CLIC5: variants seen among roughly 807,000 people sequenced by gnomAD.
The protein encoded by CLIC5 is CLIC family member 5, also known as chloride intracellular channel protein 5.
CLIC5 carries 20 observed loss-of-function variants against 24.7 expected under a neutral mutation model. The ratio of observed to expected loss-of-function variants is 0.81; its 90% CI spans 0.57 to 1.18. The LOEUF is 1.18. Ranked by LOEUF, CLIC5 falls within the 50% of genes most tolerant of loss-of-function variation. The pLI, the probability that CLIC5 is intolerant of heterozygous loss-of-function variation, is 0.00. For missense variants in CLIC5, 341 were observed against 326.1 expected (o/e 1.05, Z -0.35); for synonymous variants, 159 against 135.6 (o/e 1.17, Z -1.20).
At chr6:45,912,037 G>C (rs1236004298) in intron 5 of CLIC5, 5 of 985,606 alleles carry the variant, frequency 5.1e-6, no homozygotes, top group Non-Finnish European at 6.0e-6. Flanking sequence ...AAGCAGCAAG[G>C]GGGTAAGGAT....
At chr6:45,939,137 C>T (rs1476049675) in intron 4 of CLIC5, among the ~76,000 whole-genome samples, 1 of 151,836 alleles carries the variant, frequency 6.6e-6, no homozygotes, top group African/African-American at 2.4e-5. Flanking sequence ...AGTTCCCTGG[C>T]TTGTGACAGC....
At chr6:46,030,259 T>C (rs1767460869) in intron 1 of CLIC5, among the ~76,000 whole-genome samples, 1 of 152,142 alleles carries the variant, frequency 6.6e-6, no homozygotes, top group Non-Finnish European at 1.5e-5. Flanking sequence ...ATAGATCCTA[T>C]CACTAAAACC....
intron 1 of CLIC5, among the ~76,000 whole-genome samples, chr6:45,958,441 T>TATATACACACACACACACACACACACAC (rs1278907089): frequency 6.7e-4 from 12 of 17,944 alleles, no homozygotes; most frequent in East Asian, 1.6e-3. Flanking sequence ...TATATATATA[T>TATATACACACACACACACACACACACAC]ATATATATAT....
chr6:45,979,371 C>T (rs1480355447), intron 1 of CLIC5, among the ~76,000 whole-genome samples: 3 of 152,164 alleles, frequency 2.0e-5, no homozygotes, highest in Non-Finnish European at 4.4e-5. Flanking sequence ...TTCACTAAGG[C>T]ATTGTTCAAT....
At chr6:46,096,710 T>G in the CLIC5 span, among the ~76,000 whole-genome samples, 1 of 152,210 alleles carries the variant, frequency 6.6e-6, no homozygotes, top group Non-Finnish European at 1.5e-5. Flanking sequence ...TGATTAATGT[T>G]GGACCAAAGA....
In CLIC5 at chr6:45,916,181, G is replaced by T. The variant is rs545835306; in HGVS notation, c.407-1772C>A. 2.0e-5 allele frequency among the ~76,000 whole-genome samples: 3 copies of T among 152,334 alleles called. No individual in the cohort carries two copies. In the East Asian group the frequency reaches 5.8e-4, roughly 29 times the overall value. ...TACTGGAATGTTTGAAAACTGCCTG[G>T]AGGTTGGGCATAGTTTCTCAATACT... On this transcript the variant is annotated intron_variant, in intron 4 of 5. Coordinates refer to ENST00000339561, the MANE Select transcript of CLIC5 (RefSeq NM_016929.5).
chr6:46,051,401 A>G (rs752416876), intron 1 of CLIC5, among the ~76,000 whole-genome samples: 1 of 152,222 alleles, frequency 6.6e-6, no homozygotes, highest in Non-Finnish European at 1.5e-5. Flanking sequence ...AATGACATCT[A>G]AGGTCCTTTC....
downstream of CLIC5, among the ~76,000 whole-genome samples, chr6:45,894,016 G>A (rs764491718): frequency 1.4e-4 from 21 of 152,266 alleles, no homozygotes; most frequent in Admixed American, 6.5e-4. Flanking sequence ...TCGTGGACAC[G>A]TAGCTAAGTT....
At chr6:46,089,157 C>A in the CLIC5 span, among the ~76,000 whole-genome samples, 8 of 152,016 alleles carry the variant, frequency 5.3e-5, no homozygotes, top group African/African-American at 1.9e-4. Context: ...AGAATTGTGG[C>A]ACTAGAAAAA....
At chr6:46,074,121 A>G (rs1762698167) in intron 1 of CLIC5, among the ~76,000 whole-genome samples, 1 of 152,216 alleles carries the variant, frequency 6.6e-6, no homozygotes, top group Non-Finnish European at 1.5e-5. Context: ...TCAATATAAA[A>G]CATTTACCCA....
At chr6:45,943,164 G>A (rs1764188320) in intron 3 of CLIC5, among the ~76,000 whole-genome samples, 1 of 152,272 alleles carries the variant, frequency 6.6e-6, no homozygotes, top group Non-Finnish European at 1.5e-5. Context: ...TAAGCAATTT[G>A]CCTGAGGTCA....
chr6:45,881,029 T>A (rs188976721), exon 7 of CLIC5: 121 of 396,328 alleles, frequency 3.1e-4, no homozygotes, highest in African/African-American at 2.3e-3. Flanking sequence ...AACTCTTAGG[T>A]TTTTTTTTCT....
intron 1 of CLIC5, among the ~76,000 whole-genome samples, chr6:46,044,884 T>A (rs1016517978): frequency 6.6e-6 from 1 of 152,156 alleles, no homozygotes; most frequent in Non-Finnish European, 1.5e-5. Context: ...ACAATGAGAA[T>A]CAAATTAATA....
chr6:46,097,003 T>C, the CLIC5 span: 31 of 152,366 alleles, frequency 2.0e-4, no homozygotes, highest in Admixed American at 1.8e-3. Flanking sequence ...GACTTTAGGT[T>C]ACATAGGTCT....
intron 1 of CLIC5, among the ~76,000 whole-genome samples, chr6:46,046,423 G>A (rs1279311437): frequency 2.0e-5 from 3 of 152,138 alleles, no homozygotes; most frequent in African/African-American, 7.2e-5. Context: ...AAACCAACCA[G>A]TGACTGTTGA....
At chr6:45,944,312 T>C (rs1482458182) in intron 3 of CLIC5, among the ~76,000 whole-genome samples, 2 of 152,112 alleles carry the variant, frequency 1.3e-5, no homozygotes, top group Non-Finnish European at 2.9e-5. Flanking sequence ...GAAACAGCAA[T>C]GCCCATTCAT....
intron 1 of CLIC5, among the ~76,000 whole-genome samples, chr6:46,061,395 G>T (rs1030177282): frequency 2.6e-5 from 4 of 152,174 alleles, no homozygotes; most frequent in Non-Finnish European, 1.5e-5. Context: ...GTTTCACCAT[G>T]TTGGCCAGGA....
chr6:45,884,508 C>T (rs138711621), intron 6 of CLIC5, among the ~76,000 whole-genome samples: 17 of 152,258 alleles, frequency 1.1e-4, no homozygotes, highest in African/African-American at 3.9e-4. Flanking sequence ...TCCTGGGCAG[C>T]CCCCGCAGCC....
chr6:45,944,957 T>C (rs1764244472), intron 3 of CLIC5, among the ~76,000 whole-genome samples: 1 of 152,376 alleles, frequency 6.6e-6, no homozygotes, highest in Non-Finnish European at 1.5e-5. Flanking sequence ...AGGACGTTAA[T>C]GCATCTGACT....
Sources: allele counts gnomAD v4.1 joint callset (sites outside exome capture counted in the v4.1 genomes callset), GRCh38; gene constraint gnomAD v4.1.1; transcripts MANE v1.5; gene names NCBI Gene and HGNC (gene_info 2026-07-23, HGNC 2026-07-21).